SPOCK1: variants seen among roughly 807,000 people sequenced by gnomAD.
SPOCK1 encodes the protein SPARC (osteonectin), cwcv and kazal like domains proteoglycan 1.
A neutral mutation model predicts 55.3 loss-of-function variants in SPOCK1; 23 were observed. That is an observed-to-expected ratio of 0.42 (90% CI 0.30 to 0.59). The LOEUF (loss-of-function observed/expected upper bound fraction) is 0.59, where lower values mean the gene tolerates loss of function less well. SPOCK1 is among the 20% of genes least tolerant of loss of function. The probability of loss-of-function intolerance (pLI) is 0.22; values close to 1 mark genes in which losing one functional copy is unlikely to be tolerated. For missense variants in SPOCK1, 499 were observed against 552.5 expected (o/e 0.90, Z 0.97); for synonymous variants, 226 against 221.0 (o/e 1.02, Z -0.20).
At chr5:136,997,369 G>A (rs572919742) in intron 6 of SPOCK1, among the ~76,000 whole-genome samples, 27 of 152,142 alleles carry the variant, frequency 1.8e-4, no homozygotes, top group Admixed American at 5.9e-4. Flanking sequence ...ACTGGAACAG[G>A]CTCCTAATTG....
intron 3 of SPOCK1, among the ~76,000 whole-genome samples, chr5:137,219,277 G>T (rs1293810520): frequency 2.0e-5 from 3 of 152,162 alleles, no homozygotes; most frequent in Admixed American, 6.5e-5. Flanking sequence ...CTGGCAGTGG[G>T]TGTCAAAAGA....
chr5:137,477,416 C>A (rs563382407), intron 2 of SPOCK1, among the ~76,000 whole-genome samples: 2 of 151,914 alleles, frequency 1.3e-5, no homozygotes, highest in South Asian at 2.1e-4. Flanking sequence ...ACTGGGAAGG[C>A]GGTTGCAGAG....
Position 137,238,319 on chromosome 5 carries a change from T to C in SPOCK1, c.232+28691A>G, listed in dbSNP as rs192564433. Among the ~76,000 whole-genome samples the C allele has an allele frequency of 5.6e-4, 86 of 152,344 alleles. 1 individual carries two copies. The highest frequency in any genetic ancestry group is 1.1e-3 in the Non-Finnish European group (72 of 68,034). ...TTTCAGTACTGGCTGAAATTTGCACTCACATACACACTGCAGTCCTTGAAA... is the reference window on the plus strand; with the variant it reads ...TTTCAGTACTGGCTGAAATTTGCACCCACATACACACTGCAGTCCTTGAAA... On this transcript the variant is annotated intron_variant, in intron 3 of 10. Coordinates refer to ENST00000394945, the MANE Select transcript of SPOCK1 (RefSeq NM_004598.4).
intron 5 of SPOCK1, among the ~76,000 whole-genome samples, chr5:137,099,919 G>A (rs1753228847): frequency 6.6e-6 from 1 of 152,072 alleles, no homozygotes; most frequent in Admixed American, 6.5e-5. Flanking sequence ...CCGGAGTCAT[G>A]GTCAGGATTC....
chr5:137,178,140 CA>C (rs1260711253), intron 3 of SPOCK1, among the ~76,000 whole-genome samples: 1 of 152,180 alleles, frequency 6.6e-6, no homozygotes, highest in Non-Finnish European at 1.5e-5. Flanking sequence ...AGAAGCCTCC[CA>C]GATCATCCTG....
Position 137,010,603 on chromosome 5 carries a change from C to A in SPOCK1, c.590-18003G>T, listed in dbSNP as rs147635809. Among the ~76,000 whole-genome samples the A allele has an allele frequency of 3.9e-5, 6 of 152,214 alleles. No individual in the cohort carries two copies. In the East Asian group the frequency reaches 1.2e-3, roughly 29 times the overall value. On this transcript the variant is annotated intron_variant, in intron 6 of 10. Transcript: ENST00000394945. ...AGGCTAGGGGGCTTGCTCACTCCAG[C>A]CTCCAGTTCCCTCACCAGCACACAC...
At chr5:137,016,097 A>G (rs1054027034) in intron 6 of SPOCK1, among the ~76,000 whole-genome samples, 1 of 152,192 alleles carries the variant, frequency 6.6e-6, no homozygotes, top group Non-Finnish European at 1.5e-5. Context: ...GGGTGATGGA[A>G]TCAGGGTGTC....
intron 6 of SPOCK1, among the ~76,000 whole-genome samples, chr5:136,997,627 A>C (rs1387896403): frequency 1.3e-5 from 2 of 152,164 alleles, no homozygotes; most frequent in African/African-American, 4.8e-5. Flanking sequence ...CTCTGGCCTT[A>C]CTGCCCCTCC....
intron 2 of SPOCK1, among the ~76,000 whole-genome samples, chr5:137,417,967 A>G (rs1752381562): frequency 6.6e-6 from 1 of 151,560 alleles, no homozygotes; most frequent in East Asian, 1.9e-4. Context: ...CCGCTACCCT[A>G]CAACAGGCCC....
chr5:137,390,052 C>T (rs1413620463), intron 2 of SPOCK1, among the ~76,000 whole-genome samples: 1 of 152,162 alleles, frequency 6.6e-6, no homozygotes, highest in Non-Finnish European at 1.5e-5. Context: ...TTCTTTCTTG[C>T]TCTGACATAA....
intron 3 of SPOCK1, among the ~76,000 whole-genome samples, chr5:137,220,335 G>A (rs753209435): frequency 3.3e-5 from 5 of 152,092 alleles, no homozygotes; most frequent in African/African-American, 4.8e-5. Context: ...CACTTGAGTC[G>A]CCCTGCCTGG....
At chr5:137,253,791 T>C (rs1322658761) in intron 3 of SPOCK1, among the ~76,000 whole-genome samples, 4 of 152,294 alleles carry the variant, frequency 2.6e-5, no homozygotes, top group East Asian at 3.9e-4. Flanking sequence ...TGGAACCAAA[T>C]AGAATCCTCA....
chr5:137,326,184 C>T (rs141573168), intron 2 of SPOCK1, among the ~76,000 whole-genome samples: 195 of 152,150 alleles, frequency 1.3e-3, no homozygotes, highest in African/African-American at 4.2e-3. Context: ...CAGTACTCCC[C>T]GTACCATACA....
At chr5:137,494,464 C>A (rs534134667) in intron 2 of SPOCK1, among the ~76,000 whole-genome samples, 1 of 152,154 alleles carries the variant, frequency 6.6e-6, no homozygotes. Flanking sequence ...AAGACTTAAC[C>A]TCCCAGGGTT....
chr5:137,280,877 G>A (rs890661768), intron 2 of SPOCK1, among the ~76,000 whole-genome samples: 5 of 152,044 alleles, frequency 3.3e-5, no homozygotes, highest in East Asian at 1.9e-4. Context: ...TCCTCCCAGC[G>A]CTCAGAGGCC....
intron 6 of SPOCK1, among the ~76,000 whole-genome samples, chr5:136,995,971 G>A (rs1326383995): frequency 2.6e-5 from 4 of 152,210 alleles, no homozygotes; most frequent in Non-Finnish European, 5.9e-5. Context: ...TGTATGAGAA[G>A]AAAGTCAGGC....
chr5:137,170,432 C>A (rs1754731608), intron 3 of SPOCK1, among the ~76,000 whole-genome samples: 1 of 152,112 alleles, frequency 6.6e-6, no homozygotes, highest in Admixed American at 6.5e-5. Context: ...CTGTCCCTCC[C>A]AAAATGTGTA....
At chr5:137,188,943 T>C (rs1755124883) in intron 3 of SPOCK1, among the ~76,000 whole-genome samples, 2 of 152,208 alleles carry the variant, frequency 1.3e-5, no homozygotes, top group African/African-American at 4.8e-5. Flanking sequence ...GTTTCAGTGC[T>C]CTAGATAGAA....
intron 5 of SPOCK1, among the ~76,000 whole-genome samples, chr5:137,103,339 T>C (rs750428925): frequency 6.6e-6 from 1 of 152,228 alleles, no homozygotes; most frequent in Non-Finnish European, 1.5e-5. Flanking sequence ...CATTGCTGCC[T>C]GTAATAAAAA....
Sources: gnomAD v4.1 joint callset for allele counts (sites outside exome capture counted in the v4.1 genomes callset) on GRCh38, gnomAD v4.1.1 for gene constraint, MANE v1.5 for transcripts, NCBI Gene and HGNC (gene_info 2026-07-23, HGNC 2026-07-21) for gene names.